RANBP3L: variants seen among roughly 807,000 people sequenced by gnomAD.
RANBP3L encodes the protein RAN binding protein 3 like.
RANBP3L carries 56 observed loss-of-function variants against 67.2 expected under a neutral mutation model. The observed-to-expected ratio is 0.83, with a 90% CI of 0.67 to 1.04. RANBP3L has a LOEUF of 1.04. Ranked by LOEUF, RANBP3L falls within the 50% of genes least tolerant of loss-of-function variation. The pLI is 0.00. For missense variants in RANBP3L, 496 were observed against 535.5 expected (o/e 0.93, Z 0.73); for synonymous variants, 164 against 181.4 (o/e 0.90, Z 0.77).
chr5:36,291,271 G>A (rs191575615), intron 1 of RANBP3L, among the ~76,000 whole-genome samples: 1 of 151,754 alleles, frequency 6.6e-6, no homozygotes, highest in Non-Finnish European at 1.5e-5. Flanking sequence ...TCTCTAAATT[G>A]CTCATGTAAG....
At chr5:36,298,545 C>T (rs1373492899) in intron 1 of RANBP3L, among the ~76,000 whole-genome samples, 1 of 152,008 alleles carries the variant, frequency 6.6e-6, no homozygotes, top group Non-Finnish European at 1.5e-5. Flanking sequence ...TAGCAAGGTG[C>T]AAAAATAGCT....
intron 8 of RANBP3L, 134 bp downstream of exon 8, chr5:36,260,642 TAAAG>T: frequency 1.3e-5 from 7 of 541,626 alleles, no homozygotes; most frequent in Non-Finnish European, 1.6e-5. Context: ...TCTTTCCAGT[TAAAG>T]AAAGAAAATG....
In RANBP3L at chr5:36,289,748, T is replaced by C. The variant is rs114692567; in HGVS notation, c.91+11578A>G. On this transcript the variant is annotated intron_variant, in intron 1 of 13. Transcript: ENST00000296604. ...CTTTGTAGCCTGATACCTTAGTAAATGCATTTATTAGTTCTAGCATTTTTT... is the reference window on the plus strand; with the variant it reads ...CTTTGTAGCCTGATACCTTAGTAAACGCATTTATTAGTTCTAGCATTTTTT... Among the ~76,000 whole-genome samples the C allele has an allele frequency of 7.8e-3, 1,185 of 152,212 alleles. 16 individuals carry two copies. Among genetic ancestry groups the C allele is most frequent in the African/African-American group, 0.027 (1,103 of 41,522 alleles).
intron 1 of RANBP3L, among the ~76,000 whole-genome samples, chr5:36,293,796 G>T (rs1187418539): frequency 6.8e-6 from 1 of 147,824 alleles, no homozygotes; most frequent in Non-Finnish European, 1.5e-5. Context: ...TGCTGGATTC[G>T]GTTTGCCAGT....
chr5:36,285,319 C>T (rs1042630050), intron 1 of RANBP3L, among the ~76,000 whole-genome samples: 2 of 152,268 alleles, frequency 1.3e-5, no homozygotes, highest in African/African-American at 2.4e-5. Context: ...TTATAGGTCT[C>T]CTAGTGGAAC....
rs34953672 is a variant in RANBP3L, at chr5:36,290,652, ATT to A, written c.91+10672_91+10673del. ...GTTTTTAGGAATGGAAAAATAAAGG[ATT>A]TTTTTTTTTATTTTGTGTGTGTTAA... On this transcript the variant is annotated intron_variant, in intron 1 of 13. Coordinates refer to ENST00000296604, the MANE Select transcript of RANBP3L (RefSeq NM_145000.5). Among the ~76,000 whole-genome samples, 1,375 of 147,644 alleles carry A rather than the reference ATT, an allele frequency of 9.3e-3. 5 individuals are homozygous for A. Among genetic ancestry groups the A allele is most frequent in the South Asian group, 0.02 (95 of 4,734 alleles).
At chr5:36,285,950 T>C (rs1353971788) in intron 1 of RANBP3L, among the ~76,000 whole-genome samples, 2 of 152,174 alleles carry the variant, frequency 1.3e-5, no homozygotes, top group Non-Finnish European at 2.9e-5. Flanking sequence ...TACTTTTAAG[T>C]ACAGTGCCCA....
intron 1 of RANBP3L, among the ~76,000 whole-genome samples, chr5:36,277,219 T>G (rs1579739578): frequency 6.6e-6 from 1 of 152,236 alleles, no homozygotes. Context: ...CTTCTCTAAT[T>G]TCTGCTCCTT....
chr5:36,269,245 T>C, intron 4 of RANBP3L, 145 bp downstream of exon 4: 1 of 607,802 alleles, frequency 1.6e-6, no homozygotes, highest in Non-Finnish European at 3.0e-6. Flanking sequence ...TACCATTGTA[T>C]AGCTTGTTGT....
rs766534434 is a variant in RANBP3L, at chr5:36,262,000, T to G, written c.523A>C (p.Arg175=). Residue 175 remains arginine (R), a synonymous_variant, in exon 7 of 14, where the codon AGG becomes CGG. Transcript: ENST00000296604. ...NSYLLSENLS[R]ARISVQLSTN... is the part of the protein sequence containing the mutation. Reference sequence around the variant, plus strand: ...GACAGCTGGACTGAAATTCTAGCCCTTGATAAATTTTCACTTAACAAATAG... The same window carrying G: ...GACAGCTGGACTGAAATTCTAGCCCGTGATAAATTTTCACTTAACAAATAG... The G allele has an allele frequency of 6.2e-7, 1 of 1,606,136 alleles. No homozygotes were observed. Among genetic ancestry groups the G allele is most frequent in the Non-Finnish European group, 8.5e-7 (1 of 1,174,068 alleles).
At chr5:36,281,517 A>G (rs1750968405) in intron 1 of RANBP3L, among the ~76,000 whole-genome samples, 1 of 152,154 alleles carries the variant, frequency 6.6e-6, no homozygotes, top group African/African-American at 2.4e-5. Context: ...ATTGTGAGTT[A>G]AACGACTATT....
At chr5:36,290,224 C>CTTTTTTT (rs33974139) in intron 1 of RANBP3L, among the ~76,000 whole-genome samples, 4 of 143,990 alleles carry the variant, frequency 2.8e-5, no homozygotes, top group Non-Finnish European at 4.5e-5. Context: ...TCTGTCTCAC[C>CTTTTTTT]TTTTTTTTTT....
intron 1 of RANBP3L, among the ~76,000 whole-genome samples, chr5:36,291,194 C>A (rs1751727794): frequency 6.6e-6 from 1 of 152,000 alleles, no homozygotes; most frequent in Non-Finnish European, 1.5e-5. Flanking sequence ...AAACCCTGTA[C>A]CATTAAACAA....
At chr5:36,265,214 G>A (rs147357231) in intron 5 of RANBP3L, 116 bp from the exon 6 acceptor site, 8,449 of 731,484 alleles carry the variant, frequency 0.012, 89 homozygotes, top group Non-Finnish European at 0.014. Flanking sequence ...AGGGACTAGC[G>A]TTAATTAATC....
chr5:36,275,286 A>G (rs1158940857), intron 1 of RANBP3L, among the ~76,000 whole-genome samples: 1 of 152,218 alleles, frequency 6.6e-6, no homozygotes, highest in East Asian at 1.9e-4. Flanking sequence ...GGTTTCTGCC[A>G]CTTACAGATG....
intron 4 of RANBP3L, among the ~76,000 whole-genome samples, chr5:36,266,147 T>G (rs1749769069): frequency 6.6e-6 from 1 of 152,114 alleles, no homozygotes. Context: ...AAATCTGAAT[T>G]GGTAATGAAC....
At chr5:36,289,984 A>G (rs1751601457) in intron 1 of RANBP3L, among the ~76,000 whole-genome samples, 1 of 152,198 alleles carries the variant, frequency 6.6e-6, no homozygotes. Flanking sequence ...AAAATGTGCA[A>G]TCTTCTACAT....
chr5:36,285,243 T>C (rs1421753135), intron 1 of RANBP3L, among the ~76,000 whole-genome samples: 1 of 152,232 alleles, frequency 6.6e-6, no homozygotes, highest in Non-Finnish European at 1.5e-5. Context: ...ACAACACAAC[T>C]GAGGCAGCAT....
At chr5:36,268,373 A>G in intron 4 of RANBP3L, 1 of 609,134 alleles carries the variant, frequency 1.6e-6, no homozygotes, top group Non-Finnish European at 2.7e-6. Context: ...CTAATTTAGA[A>G]AAATCTTTTT....
Sources: allele counts gnomAD v4.1 joint callset (sites outside exome capture counted in the v4.1 genomes callset), GRCh38; gene constraint gnomAD v4.1.1; transcripts MANE v1.5; gene names NCBI Gene and HGNC (gene_info 2026-07-23, HGNC 2026-07-21).